The following PHF21A variants were observed in gnomAD, a reference collection of about 807,000 sequenced individuals.
PHF21A encodes PHD finger protein 21A.
PHF21A carries 11 observed loss-of-function variants against 82.5 expected under a neutral mutation model. That is an observed-to-expected ratio of 0.13 (90% CI 0.08 to 0.22). The LOEUF (loss-of-function observed/expected upper bound fraction) is 0.22. Ranked by LOEUF, PHF21A falls within the 10% of genes least tolerant of loss-of-function variation. The probability of loss-of-function intolerance (pLI) is 1.00; values close to 1 mark genes in which losing one functional copy is unlikely to be tolerated. For missense variants in PHF21A, 579 were observed against 837.8 expected (o/e 0.69, Z 3.81); for synonymous variants, 297 against 302.8 (o/e 0.98, Z 0.20).
chr11:46,016,414 T>C (rs2095518722), intron 6 of PHF21A, among the ~76,000 whole-genome samples: 1 of 152,194 alleles, frequency 6.6e-6, no homozygotes, highest in Non-Finnish European at 1.5e-5. Flanking sequence ...ATCTGCTATT[T>C]CCAGAACTCA....
chr11:45,954,714 G>C (rs1720950740), intron 10 of PHF21A, among the ~76,000 whole-genome samples: 3 of 152,054 alleles, frequency 2.0e-5, no homozygotes, highest in African/African-American at 7.2e-5. Context: ...TTTTAAAACA[G>C]AAAATATCAA....
At chr11:46,018,984 T>C (rs2095575565) in intron 6 of PHF21A, among the ~76,000 whole-genome samples, 1 of 151,810 alleles carries the variant, frequency 6.6e-6, no homozygotes. Flanking sequence ...TGTAAGAAGC[T>C]AAAACTGTGT....
At chr11:46,097,122 C>T (rs2097009602) in intron 1 of PHF21A, among the ~76,000 whole-genome samples, 1 of 152,116 alleles carries the variant, frequency 6.6e-6, no homozygotes, top group Admixed American at 6.5e-5. Context: ...CACCTTTCAC[C>T]TAGATAATTG....
intron 6 of PHF21A, among the ~76,000 whole-genome samples, chr11:46,030,132 C>T (rs1468883092): frequency 6.6e-6 from 1 of 152,194 alleles, no homozygotes; most frequent in East Asian, 1.9e-4. Context: ...GAGCAAACTG[C>T]TGACTCTATC....
chr11:46,007,975 A>C (rs758924849), intron 6 of PHF21A, among the ~76,000 whole-genome samples: 6 of 152,140 alleles, frequency 3.9e-5, no homozygotes, highest in Non-Finnish European at 7.4e-5. Flanking sequence ...TTCTGTCTGT[A>C]CTTGGGATTA....
intron 1 of PHF21A, among the ~76,000 whole-genome samples, chr11:46,112,834 A>G (rs1262898461): frequency 1.3e-5 from 2 of 152,246 alleles, no homozygotes; most frequent in African/African-American, 4.8e-5. Context: ...GAATGATGCC[A>G]TAATTATAAA....
chr11:46,015,001 TAAAAAAATAA>T (rs2095487596), intron 6 of PHF21A, among the ~76,000 whole-genome samples: 1 of 46,686 alleles, frequency 2.1e-5, no homozygotes, highest in Non-Finnish European at 3.4e-5. Context: ...AAAATAAAAA[TAAAAAAATAA>T]AAAAAAATAA....
intron 1 of PHF21A, among the ~76,000 whole-genome samples, chr11:46,110,148 A>G (rs1300145313): frequency 6.6e-6 from 1 of 152,180 alleles, no homozygotes; most frequent in Non-Finnish European, 1.5e-5. Context: ...ATTTACATAC[A>G]CAACTTTAGT....
chr11:46,099,278 C>T (rs1337051166), intron 1 of PHF21A, among the ~76,000 whole-genome samples: 2 of 152,092 alleles, frequency 1.3e-5, no homozygotes, highest in Admixed American at 1.3e-4. Context: ...TGATGGAGCC[C>T]TCAGTATACT....
chr11:46,015,553 A>G (rs186104098), intron 6 of PHF21A, among the ~76,000 whole-genome samples: 44 of 152,290 alleles, frequency 2.9e-4, no homozygotes, highest in African/African-American at 1.0e-3. Context: ...TTTAATTTTT[A>G]AACTTTTTGA....
At chr11:46,035,687 A>G (rs2095985046) in intron 6 of PHF21A, among the ~76,000 whole-genome samples, 1 of 152,200 alleles carries the variant, frequency 6.6e-6, no homozygotes, top group Non-Finnish European at 1.5e-5. Context: ...TTACACTGAG[A>G]CTTGAAGGAT....
intron 6 of PHF21A, among the ~76,000 whole-genome samples, chr11:46,046,889 G>A (rs1031524785): frequency 6.6e-6 from 1 of 152,178 alleles, no homozygotes; most frequent in African/African-American, 2.4e-5. Flanking sequence ...TGCTCCCCAT[G>A]ATGAAAGTTT....
At chr11:45,950,176 A>C (rs1249966018) in intron 12 of PHF21A, 30 bp downstream of exon 12, 3 of 1,550,624 alleles carry the variant, frequency 1.9e-6, no homozygotes, top group Non-Finnish European at 2.6e-6. Flanking sequence ...GGCCAGAAAA[A>C]AAGGCAGTGC....
At chr11:46,102,619 C>G (rs1199246874) in intron 1 of PHF21A, among the ~76,000 whole-genome samples, 2 of 152,178 alleles carry the variant, frequency 1.3e-5, no homozygotes, top group Non-Finnish European at 2.9e-5. Flanking sequence ...AAGTAACATG[C>G]CTGCCTCTTC....
intron 6 of PHF21A, among the ~76,000 whole-genome samples, chr11:46,000,819 C>A (rs1052936985): frequency 5.5e-4 from 84 of 151,994 alleles, no homozygotes; most frequent in Non-Finnish European, 1.9e-4. Context: ...ACTTGGGAGG[C>A]TGAGGCAGGA....
In PHF21A at chr11:45,953,517, A is replaced by G. The variant is rs2135564365; in HGVS notation, c.1095+10T>C. On this transcript the variant is annotated intron_variant, in intron 11 of 18. Coordinates refer to ENST00000676320, the MANE Select transcript of PHF21A (RefSeq NM_001352027.3). ...TAGACTGAGACCTGCCTTTGGAAAC[A>G]TAGGCCTACCTGAGGGTTCTCCTCC... 5 of 1,580,466 alleles carry G rather than the reference A, an allele frequency of 3.2e-6. No homozygotes were observed. Among genetic ancestry groups the G allele is most frequent in the Non-Finnish European group, 4.3e-6 (5 of 1,149,520 alleles).
intron 9 of PHF21A, among the ~76,000 whole-genome samples, chr11:45,965,834 G>A (rs1267234214): frequency 1.3e-5 from 2 of 152,034 alleles, no homozygotes; most frequent in African/African-American, 4.8e-5. Flanking sequence ...TAAACCCTGA[G>A]CTCCCTCTTC....
intron 6 of PHF21A, among the ~76,000 whole-genome samples, chr11:45,989,004 GA>G (rs561370471): frequency 6.6e-4 from 100 of 151,998 alleles, no homozygotes; most frequent in Non-Finnish European, 1.1e-3. Flanking sequence ...ATCACTTAAA[GA>G]AAAAAATGAA....
intron 18 of PHF21A, chr11:45,935,002 A>G: frequency 4.1e-6 from 3 of 728,542 alleles, no homozygotes; most frequent in East Asian, 6.5e-5. Context: ...TCACTCCAAC[A>G]AGGGTGACCT....
Sources: gnomAD v4.1 joint callset for allele counts (sites outside exome capture counted in the v4.1 genomes callset) on GRCh38, gnomAD v4.1.1 for gene constraint, MANE v1.5 for transcripts, NCBI Gene and HGNC (gene_info 2026-07-23, HGNC 2026-07-21) for gene names.